CDH18: variants seen among roughly 807,000 people sequenced by gnomAD.
CDH18 encodes cadherin 18.
Under a neutral mutation model 67.9 loss-of-function variants are expected in CDH18, and 31 were observed. That is an observed-to-expected ratio of 0.46 (90% CI 0.34 to 0.62). The LOEUF is 0.62. Among genes scored for constraint, CDH18 ranks in the 20% least tolerant of loss-of-function variants. CDH18 has a pLI of 0.01. For missense variants in CDH18, 890 were observed against 975.5 expected (o/e 0.91, Z 1.17); for synonymous variants, 362 against 347.2 (o/e 1.04, Z -0.48).
In CDH18 at chr5:19,747,106, T is replaced by C; in HGVS notation, c.359A>G (p.Gln120Arg). Residue 120 changes from glutamine (Q) to arginine (R), a missense_variant, in exon 4 of 13, where the codon CAG (glutamine) becomes CGG (arginine). Coordinates refer to ENST00000382275, the MANE Select transcript of CDH18 (RefSeq NM_004934.5). ...AGCATGAAGCACATAGTGGGTCTTC[T>C]GCTCTCTGTCTAGGCTTTTTGTTGA... is the stretch of plus-strand genomic sequence containing the variant. ...IHSTKSLDRE[Q>R]KTHYVLHAQA... 6.2e-7 allele frequency: 1 copy of C among 1,614,142 alleles called. No homozygotes were observed. Among genetic ancestry groups the C allele is most frequent in the Non-Finnish European group, 8.5e-7 (1 of 1,180,012 alleles).
intron 1 of CDH18, among the ~76,000 whole-genome samples, chr5:20,335,491 C>T (rs763132467): frequency 6.6e-6 from 1 of 152,108 alleles, no homozygotes. Context: ...GATCCTCCCA[C>T]CTTGCCCTCC....
At chr5:20,083,569 TCTC>T (rs1217105429) in intron 2 of CDH18, among the ~76,000 whole-genome samples, 3 of 152,102 alleles carry the variant, frequency 2.0e-5, no homozygotes, top group Non-Finnish European at 4.4e-5. Flanking sequence ...TGTCCTTCCT[TCTC>T]CTCAGGCCCC....
chr5:19,520,849 T>G, intron 9 of CDH18, 71 bp from the exon 10 acceptor site: 9 of 1,502,638 alleles, frequency 6.0e-6, no homozygotes, highest in Non-Finnish European at 7.2e-6. Context: ...AACAAATCTC[T>G]TTAATACTGT....
chr5:19,865,957 T>C (rs576194100), intron 2 of CDH18, among the ~76,000 whole-genome samples: 1 of 152,278 alleles, frequency 6.6e-6, no homozygotes, highest in African/African-American at 2.4e-5. Context: ...ATTTTTCAAA[T>C]TCCCACCAGT....
At chr5:20,082,981 A>G (rs1744615359) in intron 2 of CDH18, among the ~76,000 whole-genome samples, 1 of 152,150 alleles carries the variant, frequency 6.6e-6, no homozygotes, top group Non-Finnish European at 1.5e-5. Context: ...AATTTTAACC[A>G]CTTGAATTTG....
intron 5 of CDH18, among the ~76,000 whole-genome samples, chr5:19,693,427 G>T (rs1308849705): frequency 6.6e-6 from 1 of 152,004 alleles, no homozygotes; most frequent in African/African-American, 2.4e-5. Flanking sequence ...CATCTTTCTT[G>T]GACATTTCTA....
chr5:19,804,622 T>C (rs1428594156), intron 3 of CDH18, among the ~76,000 whole-genome samples: 1 of 152,188 alleles, frequency 6.6e-6, no homozygotes, highest in African/African-American at 2.4e-5. Flanking sequence ...AGATGGTTTA[T>C]TCCAGGGCCA....
chr5:20,503,894 C>T (rs1754490078), intron 1 of CDH18, among the ~76,000 whole-genome samples: 1 of 151,750 alleles, frequency 6.6e-6, no homozygotes, highest in Non-Finnish European at 1.5e-5. Flanking sequence ...AAAAATTAGC[C>T]AGGTGTGGTG....
chr5:19,622,740 C>G (rs77402287), intron 5 of CDH18, among the ~76,000 whole-genome samples: 2 of 152,082 alleles, frequency 1.3e-5, no homozygotes, highest in Non-Finnish European at 2.9e-5. Context: ...CCTAGCTGTT[C>G]CTACTAAGGC....
chr5:20,180,500 G>A (rs1404403001), intron 2 of CDH18, among the ~76,000 whole-genome samples: 1 of 152,114 alleles, frequency 6.6e-6, no homozygotes, highest in Non-Finnish European at 1.5e-5. Context: ...AGAAATTACT[G>A]ATGCACACAC....
At chr5:19,786,657 C>A (rs978379488) in intron 3 of CDH18, among the ~76,000 whole-genome samples, 2 of 152,106 alleles carry the variant, frequency 1.3e-5, no homozygotes, top group Admixed American at 1.3e-4. Flanking sequence ...TATATTTGAA[C>A]TCTAATTCTT....
intron 2 of CDH18, among the ~76,000 whole-genome samples, chr5:20,206,243 C>G (rs182916017): frequency 7.9e-5 from 12 of 151,678 alleles, no homozygotes; most frequent in African/African-American, 2.9e-4. Flanking sequence ...TAGAAAAAAA[C>G]TGAAAAGTTC....
intron 2 of CDH18, among the ~76,000 whole-genome samples, chr5:20,074,847 C>T (rs1459970467): frequency 2.0e-5 from 3 of 151,928 alleles, no homozygotes; most frequent in Non-Finnish European, 4.4e-5. Context: ...GGCAAAGCCA[C>T]AGTTATTATC....
intron 2 of CDH18, among the ~76,000 whole-genome samples, chr5:20,112,092 T>A (rs1747527739): frequency 6.6e-6 from 1 of 152,158 alleles, no homozygotes; most frequent in African/African-American, 2.4e-5. Flanking sequence ...TATTAAAATT[T>A]CAAAGATACA....
Position 19,561,200 on chromosome 5 carries a change from C to A in CDH18, c.1253+10379G>T, listed in dbSNP as rs531960610. Among the ~76,000 whole-genome samples the A allele has an allele frequency of 9.9e-5, 15 of 152,196 alleles. No homozygotes were observed. In the East Asian group the frequency reaches 2.9e-3, roughly 29 times the overall value. ...AAGAAGGCATTATACAAAAAAGATA[C>A]CTGCGAAGGTATGTTTATAGCAGCA... On this transcript the variant is annotated intron_variant, in intron 8 of 12. Coordinates refer to ENST00000382275, the MANE Select transcript of CDH18 (RefSeq NM_004934.5).
At chr5:20,018,215 T>C (rs961089788) in intron 2 of CDH18, among the ~76,000 whole-genome samples, 2 of 152,200 alleles carry the variant, frequency 1.3e-5, no homozygotes, top group African/African-American at 4.8e-5. Flanking sequence ...ATGTGGCAGA[T>C]TAATGCATTG....
At chr5:19,761,214 A>T (rs962441553) in intron 3 of CDH18, among the ~76,000 whole-genome samples, 1 of 152,268 alleles carries the variant, frequency 6.6e-6, no homozygotes, top group African/African-American at 2.4e-5. Context: ...TAAGAATCTC[A>T]CTCAGGGCAA....
rs2126901576 is a variant in CDH18 at position 19,520,751 on chromosome 5, G to T, written c.1418C>A (p.Thr473Lys). The T allele has an allele frequency of 1.2e-6, 2 of 1,613,170 alleles. No individual in the cohort carries two copies. The highest frequency in any genetic ancestry group is 4.5e-5 in the East Asian group (2 of 44,828). The change falls in exon 10 of 13, where the codon ACA becomes AAA. Residue 473 changes from threonine (T) to lysine (K), a missense_variant. Transcript: ENST00000382275. ...GACATCCAGAACTCTAATACCCACTGTGACATGGCTCAGCAAATCAGGATT... is the reference window on the plus strand; with the variant it reads ...GACATCCAGAACTCTAATACCCACTTTGACATGGCTCAGCAAATCAGGATT... ...IDNPDLLSHV[T>K]VGIRVLDVND...
chr5:20,211,341 A>G (rs1198583550), intron 2 of CDH18, among the ~76,000 whole-genome samples: 2 of 152,138 alleles, frequency 1.3e-5, no homozygotes, highest in Non-Finnish European at 2.9e-5. Flanking sequence ...CAAATGCAGC[A>G]GAAACTTCTG....
Sources: gnomAD v4.1 joint callset for allele counts (sites outside exome capture counted in the v4.1 genomes callset) on GRCh38, gnomAD v4.1.1 for gene constraint, MANE v1.5 for transcripts, NCBI Gene and HGNC (gene_info 2026-07-23, HGNC 2026-07-21) for gene names.